NPAS3: variants seen among roughly 807,000 people sequenced by gnomAD.
The protein encoded by NPAS3 is neuronal PAS domain-containing protein 3.
In NPAS3, 14 loss-of-function variants were observed where a neutral mutation model predicts 73.1. The observed-to-expected ratio is 0.19, with a 90% CI of 0.13 to 0.30. The LOEUF is 0.30. NPAS3 is among the 10% of genes least tolerant of loss of function. NPAS3 has a pLI of 1.00. For missense variants in NPAS3, 1,096 were observed against 1,250.0 expected, an observed-to-expected ratio of 0.88 and a Z score of 1.86; for synonymous variants, 620 against 541.5, an observed-to-expected ratio of 1.14 and a Z score of -2.01.
intron 6 of NPAS3, among the ~76,000 whole-genome samples, chr14:33,703,260 G>C (rs190076277): frequency 0.01 from 1,533 of 152,216 alleles, 21 homozygotes; most frequent in African/African-American, 0.034. Flanking sequence ...GGGTGAGGTG[G>C]GATTGCCAGA....
intron 3 of NPAS3, among the ~76,000 whole-genome samples, chr14:33,348,125 C>A (rs1447977723): frequency 6.6e-6 from 1 of 152,162 alleles, no homozygotes; most frequent in Non-Finnish European, 1.5e-5. Context: ...ACCCTATGAA[C>A]AAGCATTTTA....
chr14:33,178,679 G>T (rs1461571718), intron 2 of NPAS3, among the ~76,000 whole-genome samples: 1 of 152,116 alleles, frequency 6.6e-6, no homozygotes, highest in Non-Finnish European at 1.5e-5. Flanking sequence ...TTGTAACCCT[G>T]AACTTTGCTG....
At chr14:32,971,160 C>T (rs966623040) in intron 1 of NPAS3, among the ~76,000 whole-genome samples, 26 of 151,496 alleles carry the variant, frequency 1.7e-4, no homozygotes, top group Admixed American at 1.1e-3. Context: ...TCTCGGCTCA[C>T]TGCAACCTCT....
chr14:33,298,304 A>T (rs142178362), intron 3 of NPAS3, among the ~76,000 whole-genome samples: 1 of 152,280 alleles, frequency 6.6e-6, no homozygotes, highest in East Asian at 1.9e-4. Context: ...GAGATTTTTG[A>T]GGCACTTCCT....
At chr14:33,038,065 T>C (rs2040229125) in intron 1 of NPAS3, among the ~76,000 whole-genome samples, 1 of 152,244 alleles carries the variant, frequency 6.6e-6, no homozygotes, top group Non-Finnish European at 1.5e-5. Flanking sequence ...TCCTCTTTTC[T>C]GTTTGAACAT....
rs139370821 is a variant in NPAS3 at position 33,198,245 on chromosome 14, G to A, written c.141-16937G>A. On this transcript the variant is annotated intron_variant, in intron 2 of 11. Transcript: ENST00000356141. The stretch of plus-strand genomic sequence containing the variant: ...AGAACAAAGCTTCCACAGCATGGAA[G>A]GGGACCCAAGCAGTTTGCCCCTGCT... Among the ~76,000 whole-genome samples the A allele has an allele frequency of 2.6e-5, 4 of 152,224 alleles. No individual in the cohort carries two copies. In the East Asian group the frequency reaches 5.8e-4, roughly 22 times the overall value.
chr14:33,254,960 T>TAAA (rs113569307), intron 3 of NPAS3, among the ~76,000 whole-genome samples: 1 of 146,550 alleles, frequency 6.8e-6, no homozygotes, highest in African/African-American at 2.5e-5. Context: ...GAGGAATTTG[T>TAAA]AAAAAAAAAA....
At chr14:33,647,214 A>ATGGCATAG (rs2058854720) in intron 5 of NPAS3, among the ~76,000 whole-genome samples, 1 of 151,996 alleles carries the variant, frequency 6.6e-6, no homozygotes, top group Non-Finnish European at 1.5e-5. Context: ...AATGCACCAA[A>ATGGCATAG]TGGCATAGCA....
intron 1 of NPAS3, among the ~76,000 whole-genome samples, chr14:33,044,182 G>T (rs774138745): frequency 5.3e-5 from 8 of 152,148 alleles, no homozygotes; most frequent in Non-Finnish European, 7.4e-5. Context: ...ATAACCCATT[G>T]CCATGAATAG....
rs1229994850 is a variant in NPAS3 at position 33,800,803 on chromosome 14, G to C, written c.2496G>C (p.Ala832=). Reference sequence around the variant, plus strand: ...ACACCACGGGCACCATCCGCTACGCGCCCGCCGAGGTGACCCTGGCCATGC... The same window carrying C: ...ACACCACGGGCACCATCCGCTACGCCCCCGCCGAGGTGACCCTGGCCATGC... The change falls in exon 12 of 12, where the codon GCG becomes GCC. Residue 832 remains alanine, a synonymous_variant. Coordinates refer to ENST00000356141, the Ensembl canonical transcript of NPAS3. This position sits in a 1 kb window ranked among gnomAD's most constrained non-coding sequence, Gnocchi z 6.5. 2 of 1,594,084 alleles carry C rather than the reference G, an allele frequency of 1.3e-6. No homozygotes were observed. Among genetic ancestry groups the C allele is most frequent in the Admixed American group, 1.7e-5 (1 of 57,580 alleles).
At chr14:33,490,892 A>G (rs570351846) in intron 4 of NPAS3, among the ~76,000 whole-genome samples, 4 of 152,224 alleles carry the variant, frequency 2.6e-5, no homozygotes, top group South Asian at 2.1e-4. Flanking sequence ...AAGCGCATTT[A>G]TTCTGAGAGA....
chr14:33,120,948 C>A (rs1184207862), intron 2 of NPAS3, among the ~76,000 whole-genome samples: 1 of 152,110 alleles, frequency 6.6e-6, no homozygotes, highest in East Asian at 1.9e-4. Flanking sequence ...ATGGGTCTGT[C>A]TTCCATCATT....
chr14:33,705,082 C>T (rs1178289053), intron 6 of NPAS3, among the ~76,000 whole-genome samples: 1 of 152,140 alleles, frequency 6.6e-6, no homozygotes, highest in Admixed American at 6.5e-5. Flanking sequence ...GGGAAGCGCC[C>T]TCATTTTTAT....
At chr14:33,176,527 C>T (rs1391951270) in intron 2 of NPAS3, among the ~76,000 whole-genome samples, 6 of 152,158 alleles carry the variant, frequency 3.9e-5, no homozygotes, top group East Asian at 1.9e-4. Flanking sequence ...TTATTTCTTA[C>T]GTGTTGTAGC....
At chr14:33,386,842 T>C (rs2046795103) in intron 4 of NPAS3, among the ~76,000 whole-genome samples, 1 of 152,194 alleles carries the variant, frequency 6.6e-6, no homozygotes, top group South Asian at 2.1e-4. Context: ...CTTCATGCTG[T>C]TCATAACTAT....
At chr14:33,644,972 T>C (rs993232453) in intron 5 of NPAS3, among the ~76,000 whole-genome samples, 1 of 151,482 alleles carries the variant, frequency 6.6e-6, no homozygotes, top group African/African-American at 2.4e-5. Context: ...TCCCAGCTAC[T>C]TGGGAGGCTG....
intron 2 of NPAS3, among the ~76,000 whole-genome samples, chr14:33,075,943 T>C (rs1334189582): frequency 6.6e-6 from 1 of 152,222 alleles, no homozygotes; most frequent in African/African-American, 2.4e-5. Flanking sequence ...TGTCTGTTTT[T>C]ATAACAATTA....
chr14:32,949,118 A>G (rs1004135207), intron 1 of NPAS3, among the ~76,000 whole-genome samples: 1 of 152,110 alleles, frequency 6.6e-6, no homozygotes, highest in Non-Finnish European at 1.5e-5. Flanking sequence ...TTCTAAGTAC[A>G]TGCTACAGCC....
chr14:33,026,706 T>C (rs917348635), intron 1 of NPAS3, among the ~76,000 whole-genome samples: 1 of 152,212 alleles, frequency 6.6e-6, no homozygotes, highest in Non-Finnish European at 1.5e-5. Flanking sequence ...TCACTCCTAC[T>C]GTACAATCTG....
Sources: gnomAD v4.1 joint callset for allele counts (sites outside exome capture counted in the v4.1 genomes callset) on GRCh38, gnomAD v4.1.1 for gene constraint, Gnocchi (gnomAD v3.1) non-coding constraint, MANE v1.5 for transcripts, NCBI Gene and HGNC (gene_info 2026-07-23, HGNC 2026-07-21) for gene names.